Variants in FBXL5 observed in about 807,000 individuals in gnomAD.
The protein encoded by FBXL5 is F-box/LRR-repeat protein 5.
In FBXL5, 26 loss-of-function variants were observed where a neutral mutation model predicts 78.3. The observed-to-expected ratio is 0.33, with a 90% CI of 0.24 to 0.46. FBXL5 has a LOEUF of 0.46. FBXL5 is among the 20% of genes least tolerant of loss of function. The pLI is 1.00. For missense variants in FBXL5, 710 were observed against 829.2 expected (o/e 0.86, Z 1.77); for synonymous variants, 295 against 282.5 (o/e 1.04, Z -0.45).
intron 1 of FBXL5, among the ~76,000 whole-genome samples, chr4:15,670,069 G>A (rs1717697014): frequency 6.6e-6 from 1 of 152,146 alleles, no homozygotes; most frequent in Admixed American, 6.5e-5. Flanking sequence ...GCTTTATGGA[G>A]GTGTACCTTG....
At chr4:15,622,550 T>TA (rs964739116) in intron 9 of FBXL5, among the ~76,000 whole-genome samples, 7 of 152,228 alleles carry the variant, frequency 4.6e-5, no homozygotes, top group African/African-American at 1.7e-4. Context: ...TCTGTATTCT[T>TA]AAGTAAAGTA....
intron 7 of FBXL5, 146 bp downstream of exon 7, chr4:15,627,739 A>G: frequency 1.6e-6 from 1 of 630,802 alleles, no homozygotes; most frequent in Non-Finnish European, 2.7e-6. Context: ...ATAATAAGTA[A>G]CCTAGCAGTG....
chr4:15,648,623 G>A (rs6650922), intron 1 of FBXL5, among the ~76,000 whole-genome samples: 33 of 152,312 alleles, frequency 2.2e-4, no homozygotes, highest in African/African-American at 7.2e-4. Flanking sequence ...GAGACAGAGA[G>A]ATAAATAATG....
chr4:15,623,205 C>T (rs948205200), intron 9 of FBXL5, among the ~76,000 whole-genome samples: 4 of 151,910 alleles, frequency 2.6e-5, no homozygotes, highest in Non-Finnish European at 4.4e-5. Flanking sequence ...TTTTCCAAAA[C>T]CTTATACTAG....
At chr4:15,640,941 G>C (rs1470676931) in intron 2 of FBXL5, 58 bp from the exon 3 acceptor site, 18 of 928,724 alleles carry the variant, frequency 1.9e-5, no homozygotes, top group Non-Finnish European at 2.7e-5. Context: ...AATTATGTCT[G>C]GTCCCAGGAA....
intron 1 of FBXL5, among the ~76,000 whole-genome samples, chr4:15,669,652 A>G (rs979045855): frequency 6.6e-6 from 1 of 152,200 alleles, no homozygotes; most frequent in African/African-American, 2.4e-5. Flanking sequence ...CAGAAAATGT[A>G]ACAAAACTCT....
Position 15,633,642 on chromosome 4 carries a change from G to A in FBXL5, c.767-2851C>T, listed in dbSNP as rs138806564. On this transcript the variant is annotated intron_variant, in intron 5 of 10. Coordinates refer to ENST00000341285, the MANE Select transcript of FBXL5 (RefSeq NM_012161.4). ...AGAGTCTCACTCTGCCGCCCAGGCT[G>A]GAGTGCAATGGCACAGTCTCCGCTC... Among the ~76,000 whole-genome samples, 351 of 152,338 alleles carry A rather than the reference G, an allele frequency of 2.3e-3. 3 individuals carry two copies. The highest frequency in any genetic ancestry group is 8.2e-3 in the African/African-American group (339 of 41,570).
At chr4:15,616,280 C>T (rs1165236582) in intron 9 of FBXL5, among the ~76,000 whole-genome samples, 5 of 152,248 alleles carry the variant, frequency 3.3e-5, no homozygotes, top group Non-Finnish European at 7.3e-5. Flanking sequence ...ATTCCGGACA[C>T]ATTATGGCTG....
At chr4:15,632,475 A>G (rs1247056073) in intron 5 of FBXL5, among the ~76,000 whole-genome samples, 1 of 152,158 alleles carries the variant, frequency 6.6e-6, no homozygotes, top group African/African-American at 2.4e-5. Context: ...CTTGATGGCA[A>G]TGGCACTGAA....
chr4:15,631,933 G>A (rs1317470774), intron 5 of FBXL5, among the ~76,000 whole-genome samples: 3 of 152,120 alleles, frequency 2.0e-5, no homozygotes, highest in African/African-American at 7.2e-5. Flanking sequence ...GATCCCATTT[G>A]TCAATATTGC....
chr4:15,634,242 T>C (rs984284051), intron 5 of FBXL5, among the ~76,000 whole-genome samples: 2 of 152,132 alleles, frequency 1.3e-5, no homozygotes, highest in African/African-American at 4.8e-5. Flanking sequence ...TGGAGTACAG[T>C]GATGTGATCA....
chr4:15,628,081 T>G, intron 6 of FBXL5, 48 bp from the exon 7 acceptor site: 1 of 1,573,886 alleles, frequency 6.4e-7, no homozygotes, highest in South Asian at 1.1e-5. Context: ...CTGATAATAA[T>G]TAAGCTACTC....
At chr4:15,677,834 C>T (rs146568346) in intron 1 of FBXL5, among the ~76,000 whole-genome samples, 9 of 152,184 alleles carry the variant, frequency 5.9e-5, no homozygotes, top group Non-Finnish European at 1.2e-4. Context: ...TGGGAATGCC[C>T]AAATATGGAG....
intron 1 of FBXL5, among the ~76,000 whole-genome samples, chr4:15,650,816 A>G (rs1003379059): frequency 2.6e-5 from 4 of 151,856 alleles, no homozygotes; most frequent in African/African-American, 9.7e-5. Flanking sequence ...TATTTTTAGT[A>G]GAGATGAGGT....
chr4:15,630,938 T>C, intron 5 of FBXL5, 147 bp from the exon 6 acceptor site: 3 of 1,010,890 alleles, frequency 3.0e-6, no homozygotes, highest in Admixed American at 5.8e-5. Context: ...TTTAATACTT[T>C]TAAGTTCTAC....
At chr4:15,672,142 T>G (rs950417202) in intron 1 of FBXL5, among the ~76,000 whole-genome samples, 2 of 152,228 alleles carry the variant, frequency 1.3e-5, no homozygotes, top group Non-Finnish European at 2.9e-5. Flanking sequence ...CTTTCAGGCC[T>G]TGCTTTAAAC....
chr4:15,666,828 A>AAAACT (rs955106798), intron 1 of FBXL5, among the ~76,000 whole-genome samples: 6 of 152,108 alleles, frequency 3.9e-5, no homozygotes. Flanking sequence ...CTCAACAAAC[A>AAAACT]AAACTAAACT....
At chr4:15,645,653 T>C (rs529671640) in intron 1 of FBXL5, among the ~76,000 whole-genome samples, 10 of 152,154 alleles carry the variant, frequency 6.6e-5, no homozygotes, top group African/African-American at 2.2e-4. Context: ...GGTCTTGAAC[T>C]CCTGACCACA....
chr4:15,606,698 T>C (rs578145462), intron 10 of FBXL5, among the ~76,000 whole-genome samples: 1 of 152,144 alleles, frequency 6.6e-6, no homozygotes, highest in Admixed American at 6.5e-5. Context: ...TCTTTACATA[T>C]CAACAAGAAC....
Sources: allele counts gnomAD v4.1 joint callset (sites outside exome capture counted in the v4.1 genomes callset), GRCh38; gene constraint gnomAD v4.1.1; transcripts MANE v1.5; gene names NCBI Gene and HGNC (gene_info 2026-07-23, HGNC 2026-07-21).